Variants in PCDHGB2 observed in about 807,000 individuals in gnomAD.
PCDHGB2 encodes protocadherin gamma-B2.
In PCDHGB2, 55 loss-of-function variants were observed where a neutral mutation model predicts 59.3. The ratio of observed to expected loss-of-function variants is 0.93; its 90% confidence interval spans 0.75 to 1.16. The LOEUF is 1.16. PCDHGB2 is among the 50% of genes most tolerant of loss of function. PCDHGB2 has a pLI of 0.00. For missense variants in PCDHGB2, 1,228 were observed against 1,198.5 expected, an observed-to-expected ratio of 1.02 and a Z score of -0.36; for synonymous variants, 516 against 512.0, an observed-to-expected ratio of 1.01 and a Z score of -0.11.
chr5:141,376,553 G>T, intron 1 of PCDHGB2: 1 of 1,610,804 alleles, frequency 6.2e-7, no homozygotes, highest in Non-Finnish European at 8.5e-7. Flanking sequence ...TGATCTTCCC[G>T]CAACCCAACT....
At chr5:141,392,280 GCA>G (rs1460323134) in intron 1 of PCDHGB2, 2 of 152,190 alleles carry the variant, frequency 1.3e-5, no homozygotes, top group East Asian at 3.8e-4. Flanking sequence ...AAAGCTTAGA[GCA>G]CAATGGGAAA....
At chr5:141,483,648 TTGTGTGTGTG>T (rs111458813) in intron 1 of PCDHGB2, among the ~76,000 whole-genome samples, 35 of 149,708 alleles carry the variant, frequency 2.3e-4, no homozygotes, top group Non-Finnish European at 4.6e-4. Flanking sequence ...GGGTGTGTGT[TTGTGTGTGTG>T]TGTGTGTGTG....
At position 141,431,317 on chromosome 5, in the gene PCDHGB2, C is replaced by T. The variant is rs778667104; in HGVS notation, c.2422-63490C>T. ...TCTCCCTCATCGTGCAAAATGGAGC[C>T]GACGGTAGTAAGTACCCCGAATTGG... On this transcript the variant is annotated intron_variant, in intron 1 of 3. Coordinates refer to ENST00000522605, the MANE Select transcript of PCDHGB2 (RefSeq NM_018923.3). This position sits in a 1 kb window ranked among gnomAD's most constrained non-coding sequence, Gnocchi z 4.8. The T allele has an allele frequency of 6.2e-6, 10 of 1,613,964 alleles. No homozygotes were observed. The highest frequency in any genetic ancestry group is 7.6e-6 in the Non-Finnish European group (9 of 1,180,046).
At chr5:141,484,866 C>T in intron 1 of PCDHGB2, 1 of 275,618 alleles carries the variant, frequency 3.6e-6, no homozygotes, top group Non-Finnish European at 6.8e-6. Flanking sequence ...GGTGGGGGAG[C>T]GTGGAGGATA....
chr5:141,384,255 C>A (rs1434476229), intron 1 of PCDHGB2: 1 of 1,613,746 alleles, frequency 6.2e-7, no homozygotes, highest in African/African-American at 1.3e-5. Flanking sequence ...CACCCACCTT[C>A]CCCCACTCAT....
chr5:141,449,528 G>C (rs1298713821), intron 1 of PCDHGB2, among the ~76,000 whole-genome samples: 1 of 149,040 alleles, frequency 6.7e-6, no homozygotes, highest in African/African-American at 2.5e-5. Context: ...GGCGGAGGTT[G>C]CAGTGAGCCG....
chr5:141,422,276 T>G, intron 1 of PCDHGB2: 3 of 1,558,820 alleles, frequency 1.9e-6, no homozygotes, highest in South Asian at 1.3e-5. Context: ...GAAATAACTA[T>G]CACCTCTTCT....
chr5:141,416,650 A>G (rs935670434), intron 1 of PCDHGB2: 2 of 152,238 alleles, frequency 1.3e-5, no homozygotes, highest in Admixed American at 6.5e-5. Context: ...CCACAGCTGT[A>G]AAAAAGAAAA....
At chr5:141,421,081 A>G (rs775366249) in intron 1 of PCDHGB2, 61 of 637,820 alleles carry the variant, frequency 9.6e-5, no homozygotes, top group Non-Finnish European at 1.4e-4. Flanking sequence ...ATGGATACTC[A>G]CAGATCCTGA....
chr5:141,361,711 C>T lies in PCDHGB2; in HGVS notation c.1576C>T (p.Arg526Cys), dbSNP rs1232188461. ...GCGCGCCTTCGATCATGAGCAGCTGCGCGCCTTCGAGCTCACACTGCAGGC... is the reference window on the plus strand; with the variant it reads ...GCGCGCCTTCGATCATGAGCAGCTGTGCGCCTTCGAGCTCACACTGCAGGC... The part of the protein sequence containing the change: ...AQRAFDHEQL[R>C]AFELTLQARD... Residue 526 changes from arginine to cysteine, a missense_variant, in exon 1 of 4, where the codon CGC becomes TGC. By Grantham distance (180) the Arg-to-Cys change is radical. Transcript: ENST00000522605. The T allele has an allele frequency of 6.2e-7, 1 of 1,613,302 alleles. No individual in the cohort carries two copies. The highest frequency in any genetic ancestry group is 1.3e-5 in the African/African-American group (1 of 74,950).
At position 141,490,440 on chromosome 5, in the gene PCDHGB2, T is replaced by C. The variant is rs560525159; in HGVS notation, c.2422-4367T>C. On this transcript the variant is annotated intron_variant, in intron 1 of 3. Transcript: ENST00000522605. This position sits in a 1 kb window ranked among gnomAD's most constrained non-coding sequence, Gnocchi z 5.4. ...ACCTGCCATTTCAGATTAAGCCTTC[T>C]GAGAACCACTACTCGCTGCTAACCA... 7 of 1,614,206 alleles carry C rather than the reference T, an allele frequency of 4.3e-6. No homozygotes were observed. Among genetic ancestry groups the C allele is most frequent in the Non-Finnish European group, 5.9e-6 (7 of 1,180,040 alleles).
At chr5:141,366,340 C>T in intron 1 of PCDHGB2, 1 of 1,613,934 alleles carries the variant, frequency 6.2e-7, no homozygotes, top group Non-Finnish European at 8.5e-7. Context: ...GGATCCCTGA[C>T]ATCCTGGCTG....
At chr5:141,403,928 G>A in intron 1 of PCDHGB2, 1 of 1,613,876 alleles carries the variant, frequency 6.2e-7, no homozygotes, top group Non-Finnish European at 8.5e-7. Flanking sequence ...AGATGGTGGG[G>A]GATTGAAAGG....
chr5:141,388,326 C>T, intron 1 of PCDHGB2: 1 of 1,613,878 alleles, frequency 6.2e-7, no homozygotes, highest in Non-Finnish European at 8.5e-7. Context: ...GTCTGCACAG[C>T]CTGGCACACG....
At chr5:141,480,033 C>T (rs370321166) in intron 1 of PCDHGB2, among the ~76,000 whole-genome samples, 1 of 152,106 alleles carries the variant, frequency 6.6e-6, no homozygotes, top group African/African-American at 2.4e-5. Flanking sequence ...AAGCCTCTTC[C>T]TCATATGCAA....
chr5:141,387,143 G>A (rs1310461267), intron 1 of PCDHGB2, among the ~76,000 whole-genome samples: 3 of 152,158 alleles, frequency 2.0e-5, no homozygotes, highest in Admixed American at 6.5e-5. Flanking sequence ...TATTGGGAAG[G>A]GGGTGTATTT....
chr5:141,375,784 C>A (rs562973702), intron 1 of PCDHGB2: 7 of 1,614,254 alleles, frequency 4.3e-6, no homozygotes, highest in Non-Finnish European at 5.1e-6. Flanking sequence ...ACCCCGCCCT[C>A]CCCACAGACG....
intron 1 of PCDHGB2, among the ~76,000 whole-genome samples, chr5:141,459,095 G>A (rs61275874): frequency 0.28 from 42,440 of 152,066 alleles, 6,652 homozygotes; most frequent in African/African-American, 0.43. Context: ...ATTATACAGT[G>A]CAATGCATTT....
Position 141,361,529 on chromosome 5 carries a change from A to G in PCDHGB2, c.1394A>G (p.Asn465Ser). The stretch of plus-strand genomic sequence containing the variant: ...TACATGGTTCACGTGGCAGAGAACA[A>G]TCCTCCTGGCGCCTCTATCGCTCAA... ...TSYMVHVAEN[N>S]PPGASIAQIS... The change falls in exon 1 of 4, where the codon AAT becomes AGT. Residue 465 changes from asparagine (N) to serine (S), a missense_variant. By Grantham distance (46) the Asn-to-Ser change is conservative. Around this residue, in one of 3 missense-constraint regions of PCDHGB2, gnomAD observed 781 missense variants for 721.6 expected, o/e 1.08. Coordinates refer to ENST00000522605, the MANE Select transcript of PCDHGB2 (RefSeq NM_018923.3). The G allele has an allele frequency of 6.2e-7, 1 of 1,614,030 alleles. No individual in the cohort carries two copies. The highest frequency in any genetic ancestry group is 1.1e-5 in the South Asian group (1 of 91,082).
Sources: allele counts gnomAD v4.1 joint callset (sites outside exome capture counted in the v4.1 genomes callset), GRCh38; gene constraint gnomAD v4.1.1; regional missense constraint gnomAD v4.1.1; non-coding constraint Gnocchi (gnomAD v3.1); transcripts MANE v1.5; gene names NCBI Gene and HGNC (gene_info 2026-07-23, HGNC 2026-07-21).